The following PDE4D variants were observed in gnomAD, a reference collection of about 807,000 sequenced individuals.
PDE4D encodes phosphodiesterase 4D, also known as 3',5'-cyclic-AMP phosphodiesterase 4D.
Under a neutral mutation model 87.4 loss-of-function variants are expected in PDE4D, and 24 were observed. The observed-to-expected ratio is 0.27, with a 90% confidence interval of 0.20 to 0.39. The LOEUF (loss-of-function observed/expected upper bound fraction) is 0.39, where lower values mean the gene tolerates loss of function less well. Ranked by LOEUF, PDE4D falls within the 10% of genes least tolerant of loss-of-function variation. The pLI, the probability that PDE4D is intolerant of heterozygous loss-of-function variation, is 1.00. For missense variants in PDE4D, 714 were observed against 1,041.0 expected, an observed-to-expected ratio of 0.69 and a Z score of 4.32; for synonymous variants, 384 against 383.2, an observed-to-expected ratio of 1.00 and a Z score of -0.02.
intron 5 of PDE4D, among the ~76,000 whole-genome samples, chr5:59,126,107 A>AAAGAG (rs369679211): frequency 2.0e-5 from 3 of 148,086 alleles, no homozygotes; most frequent in Non-Finnish European, 4.5e-5. Context: ...AAAAAAAAAA[A>AAAGAG]AGAGAGAGAG....
At chr5:59,898,816 A>G (rs980075748) in intron 3 of PDE4D, among the ~76,000 whole-genome samples, 2 of 152,186 alleles carry the variant, frequency 1.3e-5, no homozygotes, top group African/African-American at 4.8e-5. Flanking sequence ...ATACATTATC[A>G]AAAGGACCCC....
intron 1 of PDE4D, among the ~76,000 whole-genome samples, chr5:59,849,167 A>T (rs556965349): frequency 6.6e-6 from 1 of 152,018 alleles, no homozygotes; most frequent in Non-Finnish European, 1.5e-5. Flanking sequence ...AAGATAAAAG[A>T]CTCATTAATC....
At chr5:59,717,628 C>T (rs1302424611) in intron 1 of PDE4D, among the ~76,000 whole-genome samples, 1 of 152,172 alleles carries the variant, frequency 6.6e-6, no homozygotes, top group Non-Finnish European at 1.5e-5. Context: ...TCCAATGTTA[C>T]ATTAAACTGA....
At chr5:60,393,043 C>T (rs1434825561) in intron 1 of PDE4D, among the ~76,000 whole-genome samples, 1 of 152,166 alleles carries the variant, frequency 6.6e-6, no homozygotes, top group Non-Finnish European at 1.5e-5. Context: ...GCCCAGTAAA[C>T]AAAGCTTTGA....
chr5:60,485,169 T>C (rs761764399), intron 1 of PDE4D, among the ~76,000 whole-genome samples: 3 of 152,222 alleles, frequency 2.0e-5, no homozygotes, highest in Non-Finnish European at 4.4e-5. Context: ...ATGTAGGGCA[T>C]TTAACTCCTT....
At chr5:59,345,591 T>C (rs193064197) in intron 1 of PDE4D, among the ~76,000 whole-genome samples, 1 of 152,260 alleles carries the variant, frequency 6.6e-6, no homozygotes, top group Admixed American at 6.5e-5. Context: ...TTACCCACAC[T>C]ATTCCTGGAA....
At chr5:59,430,906 C>T (rs1022889400) in intron 1 of PDE4D, among the ~76,000 whole-genome samples, 3 of 152,084 alleles carry the variant, frequency 2.0e-5, no homozygotes, top group South Asian at 2.1e-4. Flanking sequence ...ATATTGTTCA[C>T]TAAACTGTTA....
chr5:58,995,096 G>A (rs886265731), intron 6 of PDE4D, among the ~76,000 whole-genome samples: 2 of 151,928 alleles, frequency 1.3e-5, no homozygotes, highest in African/African-American at 2.4e-5. Context: ...TACAAATTCT[G>A]GTTGTTAAAT....
chr5:60,460,514 G>A, intron 1 of PDE4D: 1 of 1,498,610 alleles, frequency 6.7e-7, no homozygotes, highest in Non-Finnish European at 9.3e-7. Flanking sequence ...GGTTGGCAGA[G>A]TTTGTCATAT....
intron 1 of PDE4D, among the ~76,000 whole-genome samples, chr5:60,320,555 A>T (rs1431601847): frequency 6.6e-6 from 1 of 151,904 alleles, no homozygotes; most frequent in Non-Finnish European, 1.5e-5. Context: ...TGCAGAAATC[A>T]CCCATCTTCT....
In PDE4D at chr5:59,359,853, T is replaced by G. The variant is rs989413485; in HGVS notation, c.456-143885A>C. Among the ~76,000 whole-genome samples the G allele has an allele frequency of 2.6e-5, 4 of 152,166 alleles. No homozygotes were observed. The East Asian group carries it at 7.7e-4, about 29-fold the overall frequency. ...GAGACAAATTATTATGTTTACAAGT[T>G]GTGCACACTAATTTTATATGTCCTA... On this transcript the variant is annotated intron_variant, in intron 1 of 14. Coordinates refer to ENST00000340635, the MANE Select transcript of PDE4D (RefSeq NM_001104631.2).
chr5:58,993,129 A>G (rs1207696672), intron 7 of PDE4D, among the ~76,000 whole-genome samples: 1 of 152,170 alleles, frequency 6.6e-6, no homozygotes, highest in Admixed American at 6.5e-5. Context: ...AAAAAATGGC[A>G]ATATATAATC....
rs1769167717 is a variant in PDE4D at position 59,817,787 on chromosome 5, A to T, written c.455+75381T>A. On this transcript the variant is annotated intron_variant, in intron 1 of 14. Transcript: ENST00000340635. ...AGAAAGGCCATGTGAGGACATAGTG[A>T]AAAGGTGTCTGTGTCTGCAGGCCAA... 4.1e-5 allele frequency among the ~76,000 whole-genome samples: 6 copies of T among 145,948 alleles called. No homozygotes were observed. In the South Asian group the frequency reaches 1.4e-3, roughly 33 times the overall value.
intron 1 of PDE4D, among the ~76,000 whole-genome samples, chr5:59,229,778 G>T (rs1036291924): frequency 6.6e-6 from 1 of 152,108 alleles, no homozygotes; most frequent in Non-Finnish European, 1.5e-5. Context: ...TAAAAATTTA[G>T]CACCTTATAT....
chr5:59,218,140 G>A, intron 1 of PDE4D: 2 of 278,188 alleles, frequency 7.2e-6, no homozygotes, highest in Middle Eastern at 2.2e-3. Context: ...AGTCATGGCA[G>A]CTTTTCAGCA....
intron 1 of PDE4D, among the ~76,000 whole-genome samples, chr5:59,785,946 A>C (rs1373593123): frequency 1.3e-5 from 2 of 150,642 alleles, no homozygotes; most frequent in Non-Finnish European, 2.9e-5. Context: ...GTATTGAGAA[A>C]AATTATGAGT....
chr5:58,989,176 G>A (rs2153337374), intron 10 of PDE4D, among the ~76,000 whole-genome samples: 1 of 49,520 alleles, frequency 2.0e-5, no homozygotes, highest in African/African-American at 5.5e-5. Flanking sequence ...GTGGTGGCAG[G>A]AGGGAAAGAA....
At chr5:59,213,242 G>A (rs575896418) in intron 2 of PDE4D, among the ~76,000 whole-genome samples, 1 of 150,736 alleles carries the variant, frequency 6.6e-6, no homozygotes, top group South Asian at 2.1e-4. Context: ...GTAGCTCACT[G>A]CAACCCTGAA....
intron 1 of PDE4D, among the ~76,000 whole-genome samples, chr5:59,271,789 A>G (rs939860068): frequency 5.3e-5 from 8 of 152,076 alleles, no homozygotes; most frequent in African/African-American, 2.4e-5. Flanking sequence ...TTGCTAATAC[A>G]TATAGTAGGT....
Sources: allele counts gnomAD v4.1 joint callset (sites outside exome capture counted in the v4.1 genomes callset), GRCh38; gene constraint gnomAD v4.1.1; transcripts MANE v1.5; gene names NCBI Gene and HGNC (gene_info 2026-07-23, HGNC 2026-07-21).